FRMD6: variants seen among roughly 807,000 people sequenced by gnomAD.
The protein encoded by FRMD6 is FERM domain-containing protein 6.
FRMD6 carries 37 observed loss-of-function variants against 73.2 expected under a neutral mutation model. The observed-to-expected ratio is 0.51, with a 90% confidence interval of 0.39 to 0.66. The LOEUF is 0.66. Ranked by LOEUF, FRMD6 falls within the 30% of genes least tolerant of loss-of-function variation. The pLI, the probability that FRMD6 is intolerant of heterozygous loss-of-function variation, is 0.00. For synonymous variants in FRMD6, 273 were observed against 282.2 expected (o/e 0.97, Z 0.33); for missense variants, 714 against 780.5 (o/e 0.91, Z 1.02).
At chr14:51,603,174 A>G (rs983492182) in intron 2 of FRMD6, among the ~76,000 whole-genome samples, 3 of 152,210 alleles carry the variant, frequency 2.0e-5, no homozygotes, top group African/African-American at 7.2e-5. Context: ...CCCTCACCAG[A>G]CACTGAATAT....
intron 2 of FRMD6, among the ~76,000 whole-genome samples, chr14:51,625,272 G>T (rs1358670101): frequency 1.3e-5 from 2 of 152,138 alleles, no homozygotes; most frequent in African/African-American, 4.8e-5. Context: ...GGTGGTAGTG[G>T]TGTTGGAGGA....
chr14:51,588,316 G>A (rs1305699000), intron 2 of FRMD6, among the ~76,000 whole-genome samples: 1 of 151,392 alleles, frequency 6.6e-6, no homozygotes, highest in Non-Finnish European at 1.5e-5. Context: ...GGGTACATGT[G>A]CACCATGTGC....
At chr14:51,593,968 C>T (rs969899626) in intron 2 of FRMD6, among the ~76,000 whole-genome samples, 4 of 151,968 alleles carry the variant, frequency 2.6e-5, no homozygotes, top group African/African-American at 9.7e-5. Flanking sequence ...AAAGTAAGAC[C>T]AAACGGCTTG....
upstream of FRMD6, chr14:51,650,389 C>T (rs977428196): frequency 7.5e-6 from 1 of 134,088 alleles, no homozygotes; most frequent in African/African-American, 2.7e-5. Context: ...AAGAGCAGGG[C>T]AGTTTTTTTT....
chr14:51,586,924 GT>G (rs1019669015), intron 2 of FRMD6, among the ~76,000 whole-genome samples: 3 of 151,980 alleles, frequency 2.0e-5, no homozygotes, highest in African/African-American at 7.3e-5. Context: ...TTTAAAAAAA[GT>G]TTTTTAGAGA....
At chr14:51,585,960 T>TATATATATATATATAA (rs369811499) in intron 2 of FRMD6, among the ~76,000 whole-genome samples, 1,026 of 90,682 alleles carry the variant, frequency 0.011, 95 homozygotes, top group Middle Eastern at 0.022. Flanking sequence ...TATATATATA[T>TATATATATATATATAA]AACATTTTCT....
At chr14:51,606,420 T>C (rs1046357018) in intron 2 of FRMD6, among the ~76,000 whole-genome samples, 2 of 152,206 alleles carry the variant, frequency 1.3e-5, no homozygotes, top group Non-Finnish European at 2.9e-5. Flanking sequence ...TGCACATATG[T>C]ACACCCCTGC....
chr14:51,397,203 T>C, the FRMD6 span: 1 of 152,132 alleles, frequency 6.6e-6, no homozygotes, highest in African/African-American at 2.4e-5. Flanking sequence ...AGAGGCTGAG[T>C]CTATATATAT....
chr14:51,406,983 A>G, the FRMD6 span, among the ~76,000 whole-genome samples: 1 of 152,140 alleles, frequency 6.6e-6, no homozygotes, highest in Non-Finnish European at 1.5e-5. Context: ...AAACTTGATA[A>G]ACTGTTACTA....
At chr14:51,626,218 C>T (rs1419430604) in intron 2 of FRMD6, among the ~76,000 whole-genome samples, 1 of 152,190 alleles carries the variant, frequency 6.6e-6, no homozygotes, top group Non-Finnish European at 1.5e-5. Flanking sequence ...CAAACTATTC[C>T]ATTCTCCTTT....
rs1045987958 is a variant in FRMD6 at position 51,684,172 on chromosome 14, A to C, written c.-146-5519A>C. Among the ~76,000 whole-genome samples, 3 of 152,192 alleles carry C rather than the reference A, an allele frequency of 2.0e-5. No homozygotes were observed. The Middle Eastern group carries it at 0.01, about 518-fold the overall frequency. On this transcript the variant is annotated intron_variant, in intron 1 of 13. Transcript: ENST00000344768. ...AAATAAATGACCCTTAAAAAAAAAA[A>C]AACCCTCATAGTACAGAGTATGCAA...
chr14:51,696,552 A>G (rs1359075089), intron 2 of FRMD6, among the ~76,000 whole-genome samples: 4 of 151,982 alleles, frequency 2.6e-5, no homozygotes, highest in African/African-American at 7.2e-5. Context: ...GAAGTATACT[A>G]AGACTCAGAA....
chr14:51,529,119 T>C (rs1358696729), intron 1 of FRMD6, among the ~76,000 whole-genome samples: 1 of 152,178 alleles, frequency 6.6e-6, no homozygotes, highest in Non-Finnish European at 1.5e-5. Flanking sequence ...CCTAGAAACA[T>C]GGTGTTTTGT....
At chr14:51,495,711 G>T (rs771474170) in intron 1 of FRMD6, among the ~76,000 whole-genome samples, 1 of 152,204 alleles carries the variant, frequency 6.6e-6, no homozygotes, top group Non-Finnish European at 1.5e-5. Flanking sequence ...CCTCCAGTGA[G>T]GGTAAGAAGA....
At chr14:51,580,244 T>C (rs1268189844) in intron 2 of FRMD6, among the ~76,000 whole-genome samples, 9 of 152,062 alleles carry the variant, frequency 5.9e-5, no homozygotes, top group Non-Finnish European at 4.4e-5. Context: ...GCCCTGCTCA[T>C]TGGAAATGGA....
At chr14:51,415,968 A>G in the FRMD6 span, among the ~76,000 whole-genome samples, 25 of 152,246 alleles carry the variant, frequency 1.6e-4, no homozygotes, top group Middle Eastern at 3.4e-3. Context: ...CTCTGATGGT[A>G]GTTTGTATTT....
At chr14:51,400,958 G>A in the FRMD6 span, among the ~76,000 whole-genome samples, 2 of 152,188 alleles carry the variant, frequency 1.3e-5, no homozygotes, top group African/African-American at 4.8e-5. Context: ...AAATATCTAT[G>A]CAGATAATTC....
intron 2 of FRMD6, among the ~76,000 whole-genome samples, chr14:51,599,364 C>T (rs1311826025): frequency 2.0e-5 from 3 of 152,028 alleles, no homozygotes; most frequent in Non-Finnish European, 2.9e-5. Flanking sequence ...AAGATTTAAA[C>T]ATAAGGCCAC....
At chr14:51,475,366 G>C in the FRMD6 span, among the ~76,000 whole-genome samples, 2 of 152,160 alleles carry the variant, frequency 1.3e-5, no homozygotes, top group African/African-American at 4.8e-5. Flanking sequence ...CTTTGCCATA[G>C]AGTTAGGAAG....
Sources: gnomAD v4.1 joint callset for allele counts (sites outside exome capture counted in the v4.1 genomes callset) on GRCh38, gnomAD v4.1.1 for gene constraint, MANE v1.5 for transcripts, NCBI Gene and HGNC (gene_info 2026-07-23, HGNC 2026-07-21) for gene names.